Variants in DAB1 observed in about 807,000 individuals in gnomAD.
The protein encoded by DAB1 is disabled homolog 1.
DAB1 carries 15 observed loss-of-function variants against 64.6 expected under a neutral mutation model. That is an observed-to-expected ratio of 0.23 (90% CI 0.16 to 0.36). DAB1 has a LOEUF of 0.36. Ranked by LOEUF, DAB1 falls within the 10% of genes least tolerant of loss-of-function variation. The pLI is 1.00. For missense variants in DAB1, 596 were observed against 706.7 expected, an observed-to-expected ratio of 0.84 and a Z score of 1.78; for synonymous variants, 235 against 251.9, an observed-to-expected ratio of 0.93 and a Z score of 0.64.
chr1:57,201,765 A>T (rs887196112), intron 2 of DAB1, among the ~76,000 whole-genome samples: 1 of 152,048 alleles, frequency 6.6e-6, no homozygotes, highest in African/African-American at 2.4e-5. Flanking sequence ...TTCATATTCA[A>T]CTGGAAGATC....
chr1:57,015,222 T>G lies in DAB1; in HGVS notation c.1105A>C (p.Thr369Pro), dbSNP rs756135807. Residue 369 changes from threonine (T) to proline (P), a missense_variant, in exon 12 of 15, where the codon ACA becomes CCA. Physicochemically the swap from Thr to Pro is conservative, Grantham distance 38. Transcript: ENST00000371236. Reference sequence around the variant, plus strand: ...GCTGGCAAAGGCATAACAGTTTGTGTGGGCATGAAGGCGGCTGGCGGAAAC... The same window carrying G: ...GCTGGCAAAGGCATAACAGTTTGTGGGGGCATGAAGGCGGCTGGCGGAAAC... ...GQFPPAAFMP[T>P]QTVMPLPAAM... 6 of 1,613,908 alleles carry G rather than the reference T, an allele frequency of 3.7e-6. No individual in the cohort carries two copies. The African/African-American group carries it at 8.0e-5, about 22-fold the overall frequency.
chr1:57,090,646 C>T (rs1653567158), intron 4 of DAB1, among the ~76,000 whole-genome samples: 1 of 152,138 alleles, frequency 6.6e-6, no homozygotes, highest in Admixed American at 6.5e-5. Flanking sequence ...TACAAAACTC[C>T]CAGGGCTAGA....
chr1:57,702,304 C>A (rs1459031408), intron 6 of DAB1, among the ~76,000 whole-genome samples: 1 of 151,956 alleles, frequency 6.6e-6, no homozygotes, highest in East Asian at 1.9e-4. Flanking sequence ...TTGGTGGGGG[C>A]TAAAAGAGTA....
chr1:58,330,378 C>T (rs1021813515), intron 4 of DAB1, among the ~76,000 whole-genome samples: 14 of 152,310 alleles, frequency 9.2e-5, no homozygotes, highest in African/African-American at 2.6e-4. Flanking sequence ...GTCTCTATAA[C>T]ATAAATGTGC....
intron 2 of DAB1, among the ~76,000 whole-genome samples, chr1:57,179,537 T>C (rs1662688757): frequency 6.6e-6 from 1 of 152,252 alleles, no homozygotes; most frequent in Non-Finnish European, 1.5e-5. Flanking sequence ...CTGATTTAAA[T>C]GGCAGATCTC....
intron 6 of DAB1, among the ~76,000 whole-genome samples, chr1:57,728,393 A>C (rs1331826270): frequency 1.3e-5 from 2 of 152,126 alleles, no homozygotes; most frequent in Non-Finnish European, 2.9e-5. Flanking sequence ...GGAGATCGAG[A>C]CCATCCTGGC....
At chr1:57,782,122 G>C (rs548369096) in intron 6 of DAB1, among the ~76,000 whole-genome samples, 1 of 151,906 alleles carries the variant, frequency 6.6e-6, no homozygotes, top group South Asian at 2.1e-4. Flanking sequence ...ACCACCTTGA[G>C]GTTATTAATC....
Position 57,740,080 on chromosome 1 carries a change from C to T in DAB1, n.552-90415G>A, listed in dbSNP as rs571987874. ...AAAAAAAAAATTCGCCAGGCGTGGT[C>T]GCATGCACTTGTAGTCCCAGCTACT... is the stretch of plus-strand genomic sequence containing the variant. On this transcript the variant is annotated intron_variant and non_coding_transcript_variant, in intron 6 of 20. Coordinates refer to the DAB1 transcript ENST00000485760. Among the ~76,000 whole-genome samples the T allele has an allele frequency of 2.0e-5, 3 of 149,672 alleles. No individual in the cohort carries two copies. The South Asian group carries it at 6.4e-4, about 32-fold the overall frequency.
intron 7 of DAB1, among the ~76,000 whole-genome samples, chr1:57,492,035 A>C (rs1644172166): frequency 6.6e-6 from 1 of 152,228 alleles, no homozygotes; most frequent in Non-Finnish European, 1.5e-5. Flanking sequence ...AAATAAGAGA[A>C]GAAGAAGAAA....
intron 3 of DAB1, among the ~76,000 whole-genome samples, chr1:58,472,596 G>C (rs899853345): frequency 6.6e-6 from 1 of 152,126 alleles, no homozygotes; most frequent in African/African-American, 2.4e-5. Flanking sequence ...GTGGGGCTGT[G>C]GGGAGGGGGC....
At chr1:57,063,240 TA>T (rs79790389) in intron 8 of DAB1, among the ~76,000 whole-genome samples, 149 of 144,830 alleles carry the variant, frequency 1.0e-3, no homozygotes, top group Admixed American at 2.3e-3. Flanking sequence ...AGTCATGCGG[TA>T]AAAAAAAAAA....
intron 2 of DAB1, among the ~76,000 whole-genome samples, chr1:57,161,616 A>T (rs574351317): frequency 6.6e-6 from 1 of 152,326 alleles, no homozygotes; most frequent in Non-Finnish European, 1.5e-5. Flanking sequence ...AAAAAATAAC[A>T]AATGTATTTT....
At chr1:57,003,750 C>T (rs1645958741) in intron 14 of DAB1, among the ~76,000 whole-genome samples, 1 of 152,142 alleles carries the variant, frequency 6.6e-6, no homozygotes, top group African/African-American at 2.4e-5. Flanking sequence ...CACGATTTTA[C>T]CTAGTCTTGT....
chr1:57,520,679 A>G (rs1335564169), intron 7 of DAB1, among the ~76,000 whole-genome samples: 1 of 152,088 alleles, frequency 6.6e-6, no homozygotes, highest in Non-Finnish European at 1.5e-5. Flanking sequence ...TTTTTTGTAT[A>G]TATTCAGGAA....
intron 5 of DAB1, among the ~76,000 whole-genome samples, chr1:58,115,387 GT>G (rs1652261098): frequency 2.0e-5 from 1 of 50,712 alleles, no homozygotes; most frequent in Non-Finnish European, 3.1e-5. Flanking sequence ...TACACCGTTG[GT>G]GGGACTGTAA....
At chr1:58,366,584 T>C (rs1483789225) in intron 3 of DAB1, among the ~76,000 whole-genome samples, 1 of 152,238 alleles carries the variant, frequency 6.6e-6, no homozygotes, top group Non-Finnish European at 1.5e-5. Context: ...GGAGTGGATG[T>C]ATTTCCCATT....
At chr1:57,937,188 T>A (rs1436682629) in intron 5 of DAB1, among the ~76,000 whole-genome samples, 2 of 152,024 alleles carry the variant, frequency 1.3e-5, no homozygotes, top group Non-Finnish European at 2.9e-5. Context: ...ATATTACTGA[T>A]CTTGGGACTA....
At position 57,467,904 on chromosome 1, in the gene DAB1, A is replaced by T. The variant is rs577904886; in HGVS notation, n.626-176738T>A. On this transcript the variant is annotated intron_variant and non_coding_transcript_variant, in intron 7 of 20. Coordinates refer to the DAB1 transcript ENST00000485760. ...TAGCATCTTGTTAAAATATTGTCTC[A>T]TTCATTCATTCACTCATATTTATTG... Among the ~76,000 whole-genome samples the T allele has an allele frequency of 6.6e-5, 10 of 152,322 alleles. No homozygotes were observed. The East Asian group carries it at 1.7e-3, about 26-fold the overall frequency.
intron 7 of DAB1, among the ~76,000 whole-genome samples, chr1:57,595,640 C>G (rs1180800560): frequency 6.6e-6 from 1 of 151,960 alleles, no homozygotes; most frequent in African/African-American, 2.4e-5. Flanking sequence ...CCCCCACCCC[C>G]CAAATCCCAT....
Sources: gnomAD v4.1 joint callset for allele counts (sites outside exome capture counted in the v4.1 genomes callset) on GRCh38, gnomAD v4.1.1 for gene constraint, MANE v1.5 for transcripts, NCBI Gene and HGNC (gene_info 2026-07-23, HGNC 2026-07-21) for gene names.